SNCAIP: variants seen among roughly 807,000 people sequenced by gnomAD.
The protein encoded by SNCAIP is synphilin-1.
In SNCAIP, 43 loss-of-function variants were observed where a neutral mutation model predicts 86.7. The observed-to-expected ratio is 0.50, with a 90% CI of 0.39 to 0.64. The LOEUF (loss-of-function observed/expected upper bound fraction) is 0.64. SNCAIP is among the 30% of genes least tolerant of loss of function. The pLI is 0.00. For missense variants in SNCAIP, 981 were observed against 1,103.1 expected, an observed-to-expected ratio of 0.89 and a Z score of 1.57; for synonymous variants, 417 against 427.2, an observed-to-expected ratio of 0.98 and a Z score of 0.29.
At position 122,451,529 on chromosome 5, in the gene SNCAIP, G is replaced by C. The variant is rs759716046; in HGVS notation, c.2682G>C (p.Leu894Phe). The C allele has an allele frequency of 4.3e-6, 7 of 1,613,790 alleles. No individual in the cohort carries two copies. In the South Asian group the frequency reaches 7.7e-5, roughly 18 times the overall value. Residue 894 changes from leucine to phenylalanine, a missense_variant, in exon 10 of 11, where the codon TTG becomes TTC. By Grantham distance (22) the Leu-to-Phe change is conservative. Coordinates refer to ENST00000261368, the MANE Select transcript of SNCAIP (RefSeq NM_005460.4). ...ANQLKTSTLP[L>F]TSLGRKTDAK... ...AGCTGAAAACCTCTACATTGCCCTT[G>C]ACCTCACTTGGGAGGAAGACAGATG...
rs561237772 is a variant in SNCAIP, at chr5:122,372,322, C to G, written c.-46-18767C>G. Among the ~76,000 whole-genome samples the G allele has an allele frequency of 3.9e-4, 60 of 152,216 alleles. 1 individual carries two copies. The South Asian group carries it at 0.01, about 26-fold the overall frequency. On this transcript the variant is annotated intron_variant, in intron 1 of 10. Coordinates refer to ENST00000261368, the MANE Select transcript of SNCAIP (RefSeq NM_005460.4). ...GCCAGTTTCCATGGTGTAAATACTCCCAGCATGGCCAATTGTAAGCTCTTA... is the reference window on the plus strand; with the variant it reads ...GCCAGTTTCCATGGTGTAAATACTCGCAGCATGGCCAATTGTAAGCTCTTA...
At chr5:122,313,716 G>A (rs1447768119) in intron 1 of SNCAIP, among the ~76,000 whole-genome samples, 3 of 152,206 alleles carry the variant, frequency 2.0e-5, no homozygotes, top group Non-Finnish European at 4.4e-5. Flanking sequence ...AGAGTACAAG[G>A]AGACACCTTT....
At chr5:122,373,389 T>C (rs954091439) in intron 1 of SNCAIP, among the ~76,000 whole-genome samples, 4 of 152,138 alleles carry the variant, frequency 2.6e-5, no homozygotes, top group Non-Finnish European at 4.4e-5. Flanking sequence ...GATGATTTTA[T>C]CAACATAGTG....
At chr5:122,365,555 T>C (rs1202098049) in intron 1 of SNCAIP, among the ~76,000 whole-genome samples, 3 of 152,182 alleles carry the variant, frequency 2.0e-5, no homozygotes. Flanking sequence ...GACGCATGCC[T>C]GTAATCCCAG....
At chr5:122,455,083 A>G (rs1784468365) in intron 10 of SNCAIP, among the ~76,000 whole-genome samples, 1 of 152,150 alleles carries the variant, frequency 6.6e-6, no homozygotes, top group Non-Finnish European at 1.5e-5. Context: ...AAAAATATTC[A>G]CTGTATTTAA....
chr5:122,360,045 T>C (rs1318782612), intron 1 of SNCAIP, among the ~76,000 whole-genome samples: 1 of 152,222 alleles, frequency 6.6e-6, no homozygotes, highest in African/African-American at 2.4e-5. Flanking sequence ...CAGTTGATTA[T>C]CAGCACTTGT....
intron 5 of SNCAIP, among the ~76,000 whole-genome samples, chr5:122,429,079 TAAG>T (rs938678622): frequency 2.0e-5 from 3 of 151,758 alleles, no homozygotes; most frequent in African/African-American, 7.3e-5. Flanking sequence ...ATCAACGTGT[TAAG>T]AAATCACAAG....
chr5:122,439,745 A>T (rs1180034788), intron 6 of SNCAIP, among the ~76,000 whole-genome samples: 1 of 152,172 alleles, frequency 6.6e-6, no homozygotes, highest in African/African-American at 2.4e-5. Context: ...AATTCCACCC[A>T]CTAAACTTCA....
chr5:122,427,519 A>G (rs541041682), intron 5 of SNCAIP, among the ~76,000 whole-genome samples: 62 of 152,314 alleles, frequency 4.1e-4, no homozygotes, highest in Admixed American at 1.8e-3. Flanking sequence ...GAATTTACAA[A>G]AGCAGTAAAT....
At chr5:122,351,381 A>G (rs1366465921) in intron 1 of SNCAIP, among the ~76,000 whole-genome samples, 3 of 151,856 alleles carry the variant, frequency 2.0e-5, no homozygotes, top group African/African-American at 4.8e-5. Flanking sequence ...TACTAAAAAT[A>G]CAAAAATTAG....
At chr5:122,380,372 G>A (rs1766434232) in intron 1 of SNCAIP, among the ~76,000 whole-genome samples, 2 of 152,002 alleles carry the variant, frequency 1.3e-5, no homozygotes, top group African/African-American at 4.8e-5. Flanking sequence ...GATTTCTGTG[G>A]GATCAGTGGT....
At chr5:122,368,197 TG>T (rs1763557865) in intron 1 of SNCAIP, among the ~76,000 whole-genome samples, 2 of 152,290 alleles carry the variant, frequency 1.3e-5, no homozygotes, top group South Asian at 4.1e-4. Context: ...TCAGATAGTC[TG>T]GGGGCTCCTC....
chr5:122,379,162 T>A lies in SNCAIP; in HGVS notation c.-46-11927T>A, dbSNP rs1304190750. Among the ~76,000 whole-genome samples, 37 of 64,958 alleles carry A rather than the reference T, an allele frequency of 5.7e-4. 1 individual carries two copies. The highest frequency in any genetic ancestry group is 2.7e-3 in the Admixed American group (17 of 6,374). 42.6% of individuals were successfully genotyped at this position (64,958 alleles called of 152,430 possible). A position where few individuals can be genotyped will look rare whatever the true frequency, so the allele number is the denominator to read the frequency against. ...CCATTTTCACAATATTGATTCTTCCTACCCATGAGCATGGAATGTTCTTCC... is the reference window on the plus strand; with the variant it reads ...CCATTTTCACAATATTGATTCTTCCAACCCATGAGCATGGAATGTTCTTCC... On this transcript the variant is annotated intron_variant, in intron 1 of 10. Coordinates refer to ENST00000261368, the MANE Select transcript of SNCAIP (RefSeq NM_005460.4).
intron 6 of SNCAIP, 52 bp from the exon 7 acceptor site, chr5:122,440,577 C>T: frequency 6.4e-7 from 1 of 1,573,068 alleles, no homozygotes; most frequent in Admixed American, 1.7e-5. Context: ...GTCTTTTTAT[C>T]TAACTTCTCT....
chr5:122,360,063 C>CTT (rs1761907348), intron 1 of SNCAIP, among the ~76,000 whole-genome samples: 2 of 152,174 alleles, frequency 1.3e-5, no homozygotes, highest in Non-Finnish European at 2.9e-5. Context: ...TGTGGTAGGG[C>CTT]TCTTTCATGC....
At chr5:122,462,372 G>A (rs1400318647) in intron 10 of SNCAIP, among the ~76,000 whole-genome samples, 2 of 151,838 alleles carry the variant, frequency 1.3e-5, no homozygotes, top group Non-Finnish European at 2.9e-5. Context: ...ATCTAAATTT[G>A]TGCCTTTTTT....
chr5:122,350,797 A>G (rs1023693664), intron 1 of SNCAIP, among the ~76,000 whole-genome samples: 3 of 152,214 alleles, frequency 2.0e-5, no homozygotes, highest in African/African-American at 7.2e-5. Flanking sequence ...GGGAAGATGG[A>G]ATGAAAGAAA....
At position 122,445,968 on chromosome 5, in the gene SNCAIP, T is replaced by G. The variant is rs568400645; in HGVS notation, c.1592+1236T>G. ...ATAATTTCTTTAATGAGTTTAGACT[T>G]CTAGAAAAAATAAATTAAAATTTGA... On this transcript the variant is annotated intron_variant, in intron 8 of 10. Coordinates refer to ENST00000261368, the MANE Select transcript of SNCAIP (RefSeq NM_005460.4). Among the ~76,000 whole-genome samples, 23 of 151,922 alleles carry G rather than the reference T, an allele frequency of 1.5e-4. No homozygotes were observed. The South Asian group carries it at 4.8e-3, about 32-fold the overall frequency.
intron 1 of SNCAIP, among the ~76,000 whole-genome samples, chr5:122,328,569 T>A (rs1754604184): frequency 6.6e-6 from 1 of 152,230 alleles, no homozygotes; most frequent in South Asian, 2.1e-4. Context: ...CATCCCCATT[T>A]CTTGTAGTAT....
Sources: allele counts gnomAD v4.1 joint callset (sites outside exome capture counted in the v4.1 genomes callset), GRCh38; gene constraint gnomAD v4.1.1; transcripts MANE v1.5; gene names NCBI Gene and HGNC (gene_info 2026-07-23, HGNC 2026-07-21).